The following SLC35F3 variants were observed in gnomAD, a reference collection of about 807,000 sequenced individuals.
SLC35F3 encodes the protein putative thiamine transporter SLC35F3.
A neutral mutation model predicts 49.9 loss-of-function variants in SLC35F3; 25 were observed. That is an observed-to-expected ratio of 0.50 (90% CI 0.37 to 0.70). The LOEUF (loss-of-function observed/expected upper bound fraction) is 0.70. Among genes scored for constraint, SLC35F3 ranks in the 30% least tolerant of loss-of-function variants. The probability of loss-of-function intolerance (pLI) is 0.00; values close to 1 mark genes in which losing one functional copy is unlikely to be tolerated. For synonymous variants in SLC35F3, 275 were observed against 265.4 expected, an observed-to-expected ratio of 1.04 and a Z score of -0.35; for missense variants, 525 against 639.8, an observed-to-expected ratio of 0.82 and a Z score of 1.94.
chr1:234,059,033 C>T (rs1314394475), intron 2 of SLC35F3, among the ~76,000 whole-genome samples: 1 of 152,080 alleles, frequency 6.6e-6, no homozygotes, highest in African/African-American at 2.4e-5. Context: ...TGTTTCATTT[C>T]TGATTCTAAT....
At chr1:234,091,517 C>A (rs888988595) in intron 2 of SLC35F3, among the ~76,000 whole-genome samples, 6 of 152,178 alleles carry the variant, frequency 3.9e-5, no homozygotes, top group Admixed American at 3.9e-4. Flanking sequence ...GTTCATGCAT[C>A]TCCAACCCTG....
At chr1:233,956,197 A>G (rs1247840300) in intron 2 of SLC35F3, among the ~76,000 whole-genome samples, 1 of 152,046 alleles carries the variant, frequency 6.6e-6, no homozygotes, top group Non-Finnish European at 1.5e-5. Flanking sequence ...CCTGCAAACT[A>G]TTAAGTTAGT....
At chr1:234,176,600 A>C (rs565045569) in intron 2 of SLC35F3, among the ~76,000 whole-genome samples, 1 of 152,318 alleles carries the variant, frequency 6.6e-6, no homozygotes, top group East Asian at 1.9e-4. Context: ...TCACACTCAC[A>C]GCCCATCAGA....
chr1:233,955,419 C>T (rs1413643380), intron 2 of SLC35F3, among the ~76,000 whole-genome samples: 1 of 152,172 alleles, frequency 6.6e-6, no homozygotes, highest in African/African-American at 2.4e-5. Context: ...GCTCTCTGCT[C>T]ATCTTGGCCG....
chr1:234,101,987 G>C (rs1409057063), intron 2 of SLC35F3, among the ~76,000 whole-genome samples: 1 of 152,216 alleles, frequency 6.6e-6, no homozygotes, highest in African/African-American at 2.4e-5. Context: ...TCCATAGAGA[G>C]AACAATGTTC....
At chr1:234,111,500 C>G (rs1448658004) in intron 2 of SLC35F3, among the ~76,000 whole-genome samples, 1 of 152,198 alleles carries the variant, frequency 6.6e-6, no homozygotes, top group East Asian at 1.9e-4. Flanking sequence ...ACCATGCTGG[C>G]CAGGCTGGTC....
At chr1:234,141,174 A>G (rs962317144) in intron 2 of SLC35F3, among the ~76,000 whole-genome samples, 5 of 152,118 alleles carry the variant, frequency 3.3e-5, no homozygotes, top group African/African-American at 1.2e-4. Context: ...TTTATTGGGT[A>G]ATATATTACC....
intron 3 of SLC35F3, among the ~76,000 whole-genome samples, chr1:234,298,495 G>A (rs192653453): frequency 1.5e-3 from 235 of 152,342 alleles, no homozygotes; most frequent in Middle Eastern, 6.8e-3. Flanking sequence ...TGGCTTAGAC[G>A]AAGTGTTAGC....
rs567204561 is a variant in SLC35F3 at position 234,112,616 on chromosome 1, C to T, written c.284-118801C>T. On this transcript the variant is annotated intron_variant, in intron 2 of 7. Transcript: ENST00000366618. ...TGTCACCCAGGCTGGAGTGCAGTGC[C>T]GCTATCTCGGCTCGCTGCAAGCTCC... is the stretch of plus-strand genomic sequence containing the variant. 2.8e-5 allele frequency among the ~76,000 whole-genome samples: 4 copies of T among 142,684 alleles called. No homozygotes were observed. In the South Asian group the frequency reaches 7.2e-4, roughly 26 times the overall value. The allele number at this position is 142,684 out of a possible 152,430, so 93.6% of individuals were successfully genotyped here. A position where few individuals can be genotyped will look rare whatever the true frequency, so the allele number is the denominator to read the frequency against.
intron 2 of SLC35F3, among the ~76,000 whole-genome samples, chr1:234,012,943 A>T (rs1663746629): frequency 6.6e-6 from 1 of 152,210 alleles, no homozygotes; most frequent in African/African-American, 2.4e-5. Context: ...ACAGAAAATT[A>T]ATAGGACAAT....
chr1:233,931,637 GA>G (rs2102793767), intron 2 of SLC35F3, among the ~76,000 whole-genome samples: 1 of 152,306 alleles, frequency 6.6e-6, no homozygotes, highest in South Asian at 2.1e-4. Context: ...AAAAAGTCAG[GA>G]AACAACAGAT....
At chr1:234,319,706 T>TCAAAACAAAACAAAA (rs59381769) in intron 6 of SLC35F3, among the ~76,000 whole-genome samples, 1,614 of 151,516 alleles carry the variant, frequency 0.011, 34 homozygotes, top group African/African-American at 0.037. Context: ...AGACTGTGCC[T>TCAAAACAAAACAAAA]CAAAACAAAA....
chr1:234,214,734 T>C lies in SLC35F3; in HGVS notation c.284-16683T>C. On this transcript the variant is annotated intron_variant, in intron 2 of 7. Coordinates refer to ENST00000366618, the MANE Select transcript of SLC35F3 (RefSeq NM_173508.4). This position sits in a 1 kb window ranked among gnomAD's most constrained non-coding sequence, Gnocchi z 8.0. The stretch of plus-strand genomic sequence containing the variant: ...GAGCGCCGCCGCCTGCGTGGGGGGA[T>C]CTGGCAGCTTCAGGGGCTGCCCTGA... 1.0e-6 allele frequency: 1 copy of C among 993,252 alleles called. No homozygotes were observed. The allele number at this position is 993,252 out of a possible 1,614,324, so 61.5% of individuals were successfully genotyped here.
chr1:234,123,459 G>T (rs1463237701), intron 2 of SLC35F3, among the ~76,000 whole-genome samples: 2 of 152,168 alleles, frequency 1.3e-5, no homozygotes, highest in Admixed American at 6.5e-5. Flanking sequence ...GCTCAGGCTG[G>T]AGTACAGTGG....
intron 2 of SLC35F3, among the ~76,000 whole-genome samples, chr1:234,075,974 G>A (rs376689657): frequency 1.3e-4 from 20 of 152,022 alleles, no homozygotes; most frequent in African/African-American, 4.6e-4. Flanking sequence ...TGAAGCCCTG[G>A]AGTTCAGCTT....
chr1:234,229,272 C>T (rs1235585979), intron 2 of SLC35F3, among the ~76,000 whole-genome samples: 3 of 152,064 alleles, frequency 2.0e-5, no homozygotes, highest in African/African-American at 4.8e-5. Flanking sequence ...TTTTGGAAAA[C>T]GTTCTATTTA....
In SLC35F3 at chr1:234,117,892, G is replaced by GAA. The variant is rs1230601740; in HGVS notation, c.284-113515_284-113514dup. ...CAGAGTGAGACTCTGTCTCAAAAAAGAAAAAAAAAAAGACTATATATGTGT... is the reference window on the plus strand; with the variant it reads ...CAGAGTGAGACTCTGTCTCAAAAAAGAAAAAAAAAAAAAGACTATATATGTGT... On this transcript the variant is annotated intron_variant, in intron 2 of 7. Coordinates refer to ENST00000366618, the MANE Select transcript of SLC35F3 (RefSeq NM_173508.4). 0.044 allele frequency among the ~76,000 whole-genome samples: 4,086 copies of GAA among 92,364 alleles called. 383 individuals are homozygous for GAA. In the East Asian group the frequency reaches 0.57, roughly 13 times the overall value. 60.6% of individuals were successfully genotyped at this position (92,364 alleles called of 152,430 possible).
rs376814071 is a variant in SLC35F3 at position 234,122,603 on chromosome 1, A to G, written c.284-108814A>G. 3.3e-5 allele frequency among the ~76,000 whole-genome samples: 5 copies of G among 152,158 alleles called. No individual in the cohort carries two copies. In the South Asian group the frequency reaches 1.0e-3, roughly 32 times the overall value. ...CCATATGCATTAGGCATTTGTCCTA[A>G]TGCTCTCCCTCCCCTTGTCCCCCAT... is the stretch of plus-strand genomic sequence containing the variant. On this transcript the variant is annotated intron_variant, in intron 2 of 7. Transcript: ENST00000366618.
intron 2 of SLC35F3, among the ~76,000 whole-genome samples, chr1:233,923,814 A>G (rs746928557): frequency 3.3e-5 from 5 of 152,030 alleles, no homozygotes; most frequent in Non-Finnish European, 7.4e-5. Context: ...TTTGAGATAC[A>G]TTCCATCGAC....
Sources: allele counts gnomAD v4.1 joint callset (sites outside exome capture counted in the v4.1 genomes callset), GRCh38; gene constraint gnomAD v4.1.1; non-coding constraint Gnocchi (gnomAD v3.1); transcripts MANE v1.5; gene names NCBI Gene and HGNC (gene_info 2026-07-23, HGNC 2026-07-21).